Variants in DNAI2 observed in about 807,000 individuals in gnomAD.
DNAI2 encodes the protein dynein, axonemal, intermediate polypeptide 2.
DNAI2 carries 63 observed loss-of-function variants against 74.7 expected under a neutral mutation model. The ratio of observed to expected loss-of-function variants is 0.84; its 90% CI spans 0.69 to 1.04. DNAI2 has a LOEUF of 1.04. Among genes scored for constraint, DNAI2 ranks in the 50% least tolerant of loss-of-function variants. DNAI2 has a pLI of 0.00. For missense variants in DNAI2, 688 were observed against 803.2 expected, an observed-to-expected ratio of 0.86 and a Z score of 1.73; for synonymous variants, 289 against 314.9, an observed-to-expected ratio of 0.92 and a Z score of 0.87.
Position 74,310,182 on chromosome 17 carries a change from G to T in DNAI2, c.1494+19G>T. 6.2e-7 allele frequency: 1 copy of T among 1,612,486 alleles called. No homozygotes were observed. ...CTCTTCCGTAAGCACCGGGTGCCTG[G>T]GGAAAATCCCTCCAGCACGTCCCGA... On this transcript the variant is annotated intron_variant, in intron 11 of 13. Coordinates refer to ENST00000311014, the MANE Select transcript of DNAI2 (RefSeq NM_023036.6).
intron 11 of DNAI2, among the ~76,000 whole-genome samples, chr17:74,311,216 G>C (rs891589575): frequency 6.6e-6 from 1 of 152,198 alleles, no homozygotes; most frequent in African/African-American, 2.4e-5. Context: ...AGATAGAAGG[G>C]GACTTGAAGA....
Position 74,300,909 on chromosome 17 carries a change from G to C in DNAI2, c.865-137G>C. ...GAACAGCAATCCTCAAAGTGTATTTGCTCCCACGAATTGCCGGGAGCTCCA... is the reference window on the plus strand; with the variant it reads ...GAACAGCAATCCTCAAAGTGTATTTCCTCCCACGAATTGCCGGGAGCTCCA... On this transcript the variant is annotated intron_variant, in intron 7 of 13. Transcript: ENST00000311014. The surrounding 1 kb of genome is among the most constrained non-coding windows in gnomAD (Gnocchi z 4.5). The C allele has an allele frequency of 8.4e-7, 1 of 1,196,344 alleles. No homozygotes were observed. The highest frequency in any genetic ancestry group is 1.2e-6 in the Non-Finnish European group (1 of 824,710). The allele number at this position is 1,196,344 out of a possible 1,614,324, so 74.1% of individuals were successfully genotyped here. A position where few individuals can be genotyped will look rare whatever the true frequency, so the allele number is the denominator to read the frequency against.
At chr17:74,304,032 G>A (rs1359003795) in intron 8 of DNAI2, among the ~76,000 whole-genome samples, 2 of 151,806 alleles carry the variant, frequency 1.3e-5, no homozygotes, top group Non-Finnish European at 1.5e-5. Flanking sequence ...TGAGGTGGGA[G>A]TACTGCTTGA....
intron 2 of DNAI2, 100 bp downstream of exon 2, chr17:74,282,100 AG>A (rs1263559047): frequency 1.0e-5 from 14 of 1,378,012 alleles, no homozygotes; most frequent in Non-Finnish European, 1.4e-5. Flanking sequence ...TCCACCTGAA[AG>A]CCAGTTAGAG....
chr17:74,290,970 T>A, intron 5 of DNAI2, 50 bp from the exon 6 acceptor site: 2 of 1,535,938 alleles, frequency 1.3e-6, no homozygotes, highest in South Asian at 1.1e-5. Flanking sequence ...TGGTTGATCC[T>A]GTCCTTTTCT....
In DNAI2 at chr17:74,307,136, A is replaced by G. The variant is rs148570101; in HGVS notation, c.1211+1694A>G. The G allele has an allele frequency of 8.9e-4, 381 of 426,272 alleles. 8 individuals are homozygous for G. In the East Asian group the frequency reaches 0.023, roughly 26 times the overall value. 26.4% of individuals were successfully genotyped at this position (426,272 alleles called of 1,614,324 possible). ...GGCAGTGCATTGTTCCAGGCCTCAT[A>G]GCAAGTAGGGGGTTCCCAGTAGATG... On this transcript the variant is annotated intron_variant, in intron 9 of 13. Transcript: ENST00000311014.
intron 1 of DNAI2, among the ~76,000 whole-genome samples, chr17:74,281,064 G>A (rs1189413314): frequency 1.5e-5 from 2 of 131,752 alleles, no homozygotes; most frequent in South Asian, 2.5e-4. Context: ...TCCAGCCTGG[G>A]TGACAGTACA....
chr17:74,295,531 G>A (rs2052377239), intron 6 of DNAI2, among the ~76,000 whole-genome samples: 1 of 152,200 alleles, frequency 6.6e-6, no homozygotes, highest in Non-Finnish European at 1.5e-5. Context: ...CATAGCTGAT[G>A]TGAGGCCTTT....
intron 4 of DNAI2, 115 bp downstream of exon 4, chr17:74,287,213 T>C (rs1567847683): frequency 6.7e-7 from 1 of 1,494,996 alleles, no homozygotes. Context: ...CTGTCTGTGC[T>C]CTGAGCTTGA....
intron 2 of DNAI2, 95 bp downstream of exon 2, chr17:74,282,095 C>G: frequency 6.9e-7 from 1 of 1,453,176 alleles, no homozygotes; most frequent in South Asian, 1.2e-5. Context: ...CCTTGTCCAC[C>G]TGAAAGCCAG....
chr17:74,301,791 C>T (rs1446382342), intron 8 of DNAI2, among the ~76,000 whole-genome samples: 1 of 141,698 alleles, frequency 7.1e-6, no homozygotes, highest in East Asian at 2.1e-4. Context: ...CACCGCCCGC[C>T]CAGTCTTTAC....
chr17:74,301,333 T>C (rs974128708), intron 8 of DNAI2, among the ~76,000 whole-genome samples, 165 bp downstream of exon 8: 8 of 152,146 alleles, frequency 5.3e-5, no homozygotes, highest in Non-Finnish European at 1.0e-4. Context: ...ACAACAACTT[T>C]CCAGCAGGGG....
intron 9 of DNAI2, among the ~76,000 whole-genome samples, chr17:74,307,717 AT>A (rs57387665): frequency 0.087 from 12,946 of 149,120 alleles, 1,208 homozygotes; most frequent in African/African-American, 0.24. Flanking sequence ...AAAAAAAACT[AT>A]TTTTTTTTTA....
At chr17:74,293,325 A>C (rs2143971907) in intron 6 of DNAI2, among the ~76,000 whole-genome samples, 1 of 152,242 alleles carries the variant, frequency 6.6e-6, no homozygotes, top group Non-Finnish European at 1.5e-5. Flanking sequence ...CTGTATGTTA[A>C]GGCTATGTTA....
At chr17:74,313,799 C>T in intron 12 of DNAI2, 1 of 386,360 alleles carries the variant, frequency 2.6e-6, no homozygotes. Context: ...TAATCCTGGC[C>T]ACAGCCCTGC....
chr17:74,299,043 C>T (rs1417204067), intron 6 of DNAI2, among the ~76,000 whole-genome samples: 6 of 152,210 alleles, frequency 3.9e-5, no homozygotes, highest in African/African-American at 1.2e-4. Context: ...TTTTACAAAA[C>T]GGCCTTTCCT....
chr17:74,288,342 T>C (rs1438905645), intron 4 of DNAI2, among the ~76,000 whole-genome samples: 1 of 152,222 alleles, frequency 6.6e-6, no homozygotes, highest in Non-Finnish European at 1.5e-5. Flanking sequence ...GTTAGGTGTA[T>C]TCAATGCATT....
At chr17:74,303,795 A>G (rs550308267) in intron 8 of DNAI2, among the ~76,000 whole-genome samples, 9 of 152,216 alleles carry the variant, frequency 5.9e-5, no homozygotes, top group South Asian at 2.1e-4. Flanking sequence ...AGAAAACTGC[A>G]TAATAAAACA....
chr17:74,313,355 G>A (rs2096995613), intron 12 of DNAI2, among the ~76,000 whole-genome samples: 1 of 152,174 alleles, frequency 6.6e-6, no homozygotes, highest in Non-Finnish European at 1.5e-5. Context: ...GTTATGAGAT[G>A]TTTTCTTCTC....
Sources: allele counts gnomAD v4.1 joint callset (sites outside exome capture counted in the v4.1 genomes callset), GRCh38; gene constraint gnomAD v4.1.1; non-coding constraint Gnocchi (gnomAD v3.1); transcripts MANE v1.5; gene names NCBI Gene and HGNC (gene_info 2026-07-23, HGNC 2026-07-21).